The following KCNN2 variants were observed in gnomAD, a reference collection of about 807,000 sequenced individuals.
The protein encoded by KCNN2 is small conductance calcium-activated potassium channel protein 2.
KCNN2 carries 24 observed loss-of-function variants against 55.5 expected under a neutral mutation model. The observed-to-expected ratio is 0.43, with a 90% CI of 0.31 to 0.61. KCNN2 has a LOEUF of 0.61. KCNN2 is among the 20% of genes least tolerant of loss of function. The pLI is 0.08. For synonymous variants in KCNN2, 431 were observed against 336.1 expected, an observed-to-expected ratio of 1.28 and a Z score of -3.09; for missense variants, 754 against 853.6, an observed-to-expected ratio of 0.88 and a Z score of 1.45.
intron 1 of KCNN2, among the ~76,000 whole-genome samples, chr5:114,141,173 C>T (rs1752270988): frequency 1.3e-5 from 2 of 151,982 alleles, no homozygotes; most frequent in Admixed American, 1.3e-4. Flanking sequence ...GGTACATGTG[C>T]ACAATGTGCA....
intron 3 of KCNN2, among the ~76,000 whole-genome samples, chr5:114,443,797 A>T (rs942048353): frequency 2.6e-5 from 4 of 152,186 alleles, no homozygotes; most frequent in Non-Finnish European, 5.9e-5. Flanking sequence ...ATTTACTAAG[A>T]AGCAGCCTGA....
chr5:114,443,291 AAAAAAAGAAACAAAG>A (rs1760286595), intron 3 of KCNN2, among the ~76,000 whole-genome samples: 1 of 152,152 alleles, frequency 6.6e-6, no homozygotes, highest in South Asian at 2.1e-4. Context: ...TCCGTCTCAA[AAAAAAAGAAACAAAG>A]AAAAAAGAAA....
At chr5:114,205,081 CTT>C (rs11325689) in intron 1 of KCNN2, among the ~76,000 whole-genome samples, 3 of 150,510 alleles carry the variant, frequency 2.0e-5, no homozygotes, top group Non-Finnish European at 1.5e-5. Context: ...TTTTCTTTGT[CTT>C]TTTTTTTTTC....
intron 1 of KCNN2, among the ~76,000 whole-genome samples, chr5:114,187,471 A>T (rs1753357026): frequency 6.6e-6 from 1 of 150,568 alleles, no homozygotes. Context: ...TATCTTTCCA[A>T]GGGCTATTAA....
chr5:114,142,847 C>T (rs1011803512), intron 1 of KCNN2, among the ~76,000 whole-genome samples: 13 of 152,250 alleles, frequency 8.5e-5, no homozygotes, highest in Middle Eastern at 6.8e-3. Flanking sequence ...ACTTTCTTCA[C>T]AGAATTGTAA....
At chr5:114,093,742 A>G (rs1448400838) in intron 1 of KCNN2, among the ~76,000 whole-genome samples, 1 of 152,122 alleles carries the variant, frequency 6.6e-6, no homozygotes, top group African/African-American at 2.4e-5. Flanking sequence ...TCTTGTGAGA[A>G]CTCACTTATT....
chr5:114,363,370 C>G, intron 1 of KCNN2, 109 bp downstream of exon 1: 1 of 1,331,490 alleles, frequency 7.5e-7, no homozygotes, highest in African/African-American at 1.5e-5. Context: ...CCGGGACGAT[C>G]AAGGGAGCCC....
chr5:114,127,713 G>A lies in KCNN2; in HGVS notation c.-271+71213G>A, dbSNP rs1262834854. ...ATTTGAATTTCTCCCCAGAAAATGG[G>A]TTCTTGTTTTCTATTGCCTCATCAG... is the stretch of plus-strand genomic sequence containing the variant. On this transcript the variant is annotated intron_variant, in intron 1 of 10. Coordinates refer to the KCNN2 transcript ENST00000512097. Among the ~76,000 whole-genome samples, 4 of 152,134 alleles carry A rather than the reference G, an allele frequency of 2.6e-5. No homozygotes were observed. The East Asian group carries it at 5.8e-4, about 22-fold the overall frequency.
At chr5:114,340,659 T>G (rs1196813883) in intron 2 of KCNN2, among the ~76,000 whole-genome samples, 1 of 74,028 alleles carries the variant, frequency 1.4e-5, no homozygotes, top group East Asian at 1.1e-3. Flanking sequence ...TTATGGTGTG[T>G]GTGTGTGCAT....
intron 4 of KCNN2, among the ~76,000 whole-genome samples, chr5:114,472,444 A>AT (rs1761789064): frequency 6.6e-6 from 1 of 152,172 alleles, no homozygotes; most frequent in South Asian, 2.1e-4. Context: ...AACCTGTAAA[A>AT]TGGTATAATG....
chr5:114,353,288 T>G (rs970643418), intron 2 of KCNN2, among the ~76,000 whole-genome samples: 1 of 151,826 alleles, frequency 6.6e-6, no homozygotes, highest in African/African-American at 2.4e-5. Context: ...ACCTATTTAT[T>G]TACCTTTTCT....
chr5:114,383,028 C>G (rs1384056092), intron 2 of KCNN2, among the ~76,000 whole-genome samples: 1 of 152,148 alleles, frequency 6.6e-6, no homozygotes, highest in African/African-American at 2.4e-5. Flanking sequence ...AAAAATCAAT[C>G]AATCTAAAGC....
intron 1 of KCNN2, among the ~76,000 whole-genome samples, chr5:114,074,717 A>G (rs1440565420): frequency 1.5e-4 from 23 of 152,192 alleles, no homozygotes; most frequent in Admixed American, 1.5e-3. Flanking sequence ...ATTTTTTCCA[A>G]CTGCCCAGAG....
intron 3 of KCNN2, among the ~76,000 whole-genome samples, chr5:114,419,515 C>G (rs927760482): frequency 3.3e-5 from 5 of 152,134 alleles, no homozygotes; most frequent in Non-Finnish European, 5.9e-5. Context: ...AGGCACCACC[C>G]CCTACCAAAT....
At chr5:114,307,277 T>G (rs947947046) in intron 2 of KCNN2, among the ~76,000 whole-genome samples, 4 of 152,226 alleles carry the variant, frequency 2.6e-5, no homozygotes, top group African/African-American at 7.2e-5. Flanking sequence ...TGAGGAATCC[T>G]GATTTATTGC....
chr5:114,213,619 A>AT (rs946719520), intron 1 of KCNN2, among the ~76,000 whole-genome samples: 12 of 151,730 alleles, frequency 7.9e-5, no homozygotes, highest in Non-Finnish European at 1.5e-4. Context: ...TATTGAAAGC[A>AT]TTTTTTTTCT....
chr5:114,134,421 C>T (rs1251789204), intron 1 of KCNN2, among the ~76,000 whole-genome samples: 1 of 151,020 alleles, frequency 6.6e-6, no homozygotes, highest in Non-Finnish European at 1.5e-5. Context: ...AATTTAAGAA[C>T]CTATTTTGCA....
At chr5:114,147,735 A>G (rs929946513) in intron 1 of KCNN2, among the ~76,000 whole-genome samples, 1 of 152,200 alleles carries the variant, frequency 6.6e-6, no homozygotes, top group African/African-American at 2.4e-5. Flanking sequence ...TTGGTCTGAG[A>G]TAATTGATGT....
chr5:114,465,162 G>A (rs77160275), intron 4 of KCNN2, among the ~76,000 whole-genome samples: 4,535 of 152,216 alleles, frequency 0.03, 224 homozygotes, highest in African/African-American at 0.1. Flanking sequence ...AACCTTGCCT[G>A]GGTTTTACAA....
Sources: gnomAD v4.1 joint callset for allele counts (sites outside exome capture counted in the v4.1 genomes callset) on GRCh38, gnomAD v4.1.1 for gene constraint, MANE v1.5 for transcripts, NCBI Gene and HGNC (gene_info 2026-07-23, HGNC 2026-07-21) for gene names.